The following KIF2A variants were observed in gnomAD, a reference collection of about 807,000 sequenced individuals.
KIF2A encodes the protein kinesin-like protein KIF2A.
A neutral mutation model predicts 100.2 loss-of-function variants in KIF2A; 22 were observed. The observed-to-expected ratio is 0.22, with a 90% CI of 0.16 to 0.31. KIF2A has a LOEUF of 0.31. Among genes scored for constraint, KIF2A ranks in the 10% least tolerant of loss-of-function variants. The pLI is 1.00. For synonymous variants in KIF2A, 268 were observed against 285.9 expected (o/e 0.94, Z 0.63); for missense variants, 495 against 898.7 (o/e 0.55, Z 5.74).
intron 1 of KIF2A, among the ~76,000 whole-genome samples, chr5:62,339,270 AGCACTCATCACCAAGGGGATGGT>A (rs72438686): frequency 0.24 from 36,072 of 149,938 alleles, 4,428 homozygotes; most frequent in Middle Eastern, 0.29. Context: ...TCATGAGGAC[AGCACTCATCACCAAGGGGATGGT>A]GCACTCATCA....
chr5:62,334,811 C>A (rs1336385730), intron 1 of KIF2A, among the ~76,000 whole-genome samples: 1 of 152,164 alleles, frequency 6.6e-6, no homozygotes, highest in Non-Finnish European at 1.5e-5. Context: ...GTCTCTACAG[C>A]AGCCAGAGCT....
At chr5:62,379,657 AG>A (rs1432373155) in intron 19 of KIF2A, among the ~76,000 whole-genome samples, 1 of 131,490 alleles carries the variant, frequency 7.6e-6, no homozygotes, top group Non-Finnish European at 1.6e-5. Flanking sequence ...AGTGAAACTC[AG>A]GAAAAAAAAA....
At chr5:62,338,315 G>A (rs948499258) in intron 1 of KIF2A, among the ~76,000 whole-genome samples, 1 of 152,162 alleles carries the variant, frequency 6.6e-6, no homozygotes, top group Non-Finnish European at 1.5e-5. Context: ...TCGAGTCGGA[G>A]TCTTGCTGTG....
intron 1 of KIF2A, among the ~76,000 whole-genome samples, chr5:62,335,914 G>T (rs1336443722): frequency 6.6e-6 from 1 of 152,102 alleles, no homozygotes; most frequent in Non-Finnish European, 1.5e-5. Context: ...GAAACTATAA[G>T]TTATCTTTTA....
chr5:62,333,701 A>G (rs1561256769), intron 1 of KIF2A, among the ~76,000 whole-genome samples: 1 of 152,114 alleles, frequency 6.6e-6, no homozygotes, highest in Non-Finnish European at 1.5e-5. Context: ...CTGCCTACTT[A>G]TCTCCTCCCC....
rs1490518829 is a variant in KIF2A, at chr5:62,385,305, A to C, written c.2150-179A>C. On this transcript the variant is annotated intron_variant, in intron 20 of 20. Coordinates refer to ENST00000407818, the MANE Select transcript of KIF2A (RefSeq NM_001098511.3). ...TATTTCTGGAAATCTGTAACAAAAA[A>C]CTTTCGCAATAGTTGAGCATTCTAT... 5.9e-5 allele frequency among the ~76,000 whole-genome samples: 9 copies of C among 152,310 alleles called. No individual in the cohort carries two copies. The East Asian group carries it at 1.7e-3, about 29-fold the overall frequency.
At chr5:62,360,301 T>G (rs1306501472) in intron 9 of KIF2A, among the ~76,000 whole-genome samples, 1 of 151,802 alleles carries the variant, frequency 6.6e-6, no homozygotes, top group Non-Finnish European at 1.5e-5. Flanking sequence ...CCATCATACT[T>G]TTTAGTGTAC....
chr5:62,378,100 C>G (rs1170374038), intron 19 of KIF2A, among the ~76,000 whole-genome samples: 1 of 152,174 alleles, frequency 6.6e-6, no homozygotes. Flanking sequence ...TTAAGAAAAA[C>G]TCTTTTAAAG....
At chr5:62,328,165 T>C (rs1746469364) in intron 1 of KIF2A, among the ~76,000 whole-genome samples, 1 of 152,194 alleles carries the variant, frequency 6.6e-6, no homozygotes, top group South Asian at 2.1e-4. Flanking sequence ...TTGTATTCTT[T>C]AACACGTAAG....
At chr5:62,329,216 G>A (rs1326976550) in intron 1 of KIF2A, among the ~76,000 whole-genome samples, 1 of 152,126 alleles carries the variant, frequency 6.6e-6, no homozygotes, top group Non-Finnish European at 1.5e-5. Context: ...AACATCTTAA[G>A]TGTGATAAAC....
intron 4 of KIF2A, among the ~76,000 whole-genome samples, chr5:62,351,906 C>T (rs549988083): frequency 6.6e-6 from 1 of 152,232 alleles, no homozygotes; most frequent in East Asian, 1.9e-4. Flanking sequence ...TTAATCCCAG[C>T]ACACTGGGAG....
intron 1 of KIF2A, among the ~76,000 whole-genome samples, chr5:62,335,190 C>T (rs868725874): frequency 6.6e-6 from 1 of 152,174 alleles, no homozygotes; most frequent in Admixed American, 6.6e-5. Context: ...TTGCAGCAAC[C>T]CTGGCTGGAG....
intron 16 of KIF2A, among the ~76,000 whole-genome samples, chr5:62,368,917 G>A (rs890145142): frequency 2.4e-4 from 37 of 152,112 alleles, no homozygotes; most frequent in African/African-American, 8.2e-4. Context: ...GGTAATTAAC[G>A]TTTTTGATAT....
chr5:62,319,160 T>TAACAACAAC (rs35093486), intron 1 of KIF2A, among the ~76,000 whole-genome samples: 31 of 149,808 alleles, frequency 2.1e-4, no homozygotes, highest in Middle Eastern at 3.4e-3. Flanking sequence ...GTAATTTGGT[T>TAACAACAAC]AACAACAACA....
intron 10 of KIF2A, 51 bp downstream of exon 10, chr5:62,361,383 C>G: frequency 6.9e-7 from 1 of 1,458,776 alleles, no homozygotes; most frequent in Non-Finnish European, 9.6e-7. Context: ...AGTTTCTTTT[C>G]CTTATAGCTT....
chr5:62,339,361 C>T (rs1248895938), intron 1 of KIF2A, among the ~76,000 whole-genome samples: 1 of 151,672 alleles, frequency 6.6e-6, no homozygotes, highest in Non-Finnish European at 1.5e-5. Context: ...CTAGTCACCT[C>T]CACCATCCAA....
chr5:62,339,984 G>T (rs1317213655), intron 1 of KIF2A, among the ~76,000 whole-genome samples: 1 of 149,900 alleles, frequency 6.7e-6, no homozygotes, highest in Non-Finnish European at 1.5e-5. Context: ...TATTGTCCAG[G>T]CTGGAGTGCA....
At chr5:62,344,345 T>C (rs1747449265) in intron 1 of KIF2A, among the ~76,000 whole-genome samples, 2 of 117,198 alleles carry the variant, frequency 1.7e-5, no homozygotes, top group African/African-American at 2.9e-5. Flanking sequence ...CGACTCCATC[T>C]CAAAAAAAAA....
rs768625105 is a variant in KIF2A at position 62,389,042 on chromosome 5, C to T, written c.*3473C>T. 1.2e-6 allele frequency: 2 copies of T among 1,606,148 alleles called. No individual in the cohort carries two copies. Among genetic ancestry groups the T allele is most frequent in the East Asian group, 4.5e-5 (2 of 44,680 alleles). ...AAATGAATACCTTCTGCGTTGAATC[C>T]ATGTAGCAATCTGAAAAAAGAAATC... On this transcript the variant is annotated 3_prime_UTR_variant, in exon 21 of 21. Transcript: ENST00000407818.
Sources: allele counts gnomAD v4.1 joint callset (sites outside exome capture counted in the v4.1 genomes callset), GRCh38; gene constraint gnomAD v4.1.1; transcripts MANE v1.5; gene names NCBI Gene and HGNC (gene_info 2026-07-23, HGNC 2026-07-21).